Variants in DLEU7 observed in about 807,000 individuals in gnomAD.
DLEU7 encodes leukemia-associated protein 7.
DLEU7 carries 17 observed loss-of-function variants against 16.0 expected under a neutral mutation model. That is an observed-to-expected ratio of 1.06 (90% CI 0.73 to 1.59). DLEU7 has a LOEUF of 1.59. Ranked by LOEUF, DLEU7 falls within the 40% of genes most tolerant of loss-of-function variation. The pLI, the probability that DLEU7 is intolerant of heterozygous loss-of-function variation, is 0.00. For synonymous variants in DLEU7, 113 were observed against 139.8 expected, an observed-to-expected ratio of 0.81 and a Z score of 1.35; for missense variants, 308 against 314.9, an observed-to-expected ratio of 0.98 and a Z score of 0.17.
intron 1 of DLEU7, among the ~76,000 whole-genome samples, chr13:50,786,966 A>G (rs1379073742): frequency 6.6e-6 from 1 of 152,218 alleles, no homozygotes; most frequent in African/African-American, 2.4e-5. Flanking sequence ...GACTTCCTTA[A>G]GCCTTGGAAC....
chr13:50,720,739 A>C (rs1873579389), intron 1 of DLEU7, among the ~76,000 whole-genome samples: 1 of 152,164 alleles, frequency 6.6e-6, no homozygotes, highest in South Asian at 2.1e-4. Flanking sequence ...TGACATGATA[A>C]ACTTTTTAAG....
At chr13:50,725,781 A>G (rs1043370351) in intron 1 of DLEU7, among the ~76,000 whole-genome samples, 5 of 151,726 alleles carry the variant, frequency 3.3e-5, no homozygotes, top group African/African-American at 1.2e-4. Flanking sequence ...AAGTTTTTCT[A>G]TTTTATTTTA....
chr13:50,746,229 A>C (rs1254007792), intron 1 of DLEU7, among the ~76,000 whole-genome samples: 4 of 152,208 alleles, frequency 2.6e-5, no homozygotes, highest in African/African-American at 9.7e-5. Context: ...AATAGCAATT[A>C]ATGTTGGCTA....
chr13:50,739,552 T>C (rs1417894235), intron 1 of DLEU7, among the ~76,000 whole-genome samples: 1 of 152,150 alleles, frequency 6.6e-6, no homozygotes, highest in African/African-American at 2.4e-5. Context: ...ACATGGGTGT[T>C]AGGTACTTTC....
intron 1 of DLEU7, among the ~76,000 whole-genome samples, chr13:50,747,234 G>T (rs999372855): frequency 6.6e-6 from 1 of 152,128 alleles, no homozygotes; most frequent in Non-Finnish European, 1.5e-5. Context: ...CTATATTGGG[G>T]AAAGGAGTGG....
intron 1 of DLEU7, among the ~76,000 whole-genome samples, chr13:50,748,701 G>A (rs1160754239): frequency 2.6e-5 from 4 of 152,102 alleles, no homozygotes; most frequent in Admixed American, 6.5e-5. Flanking sequence ...AAATGAGGAA[G>A]AGAGAATGAG....
At chr13:50,789,227 C>T (rs1317516131) in intron 1 of DLEU7, among the ~76,000 whole-genome samples, 5 of 150,884 alleles carry the variant, frequency 3.3e-5, no homozygotes, top group East Asian at 2.0e-4. Context: ...GGAAAGGACG[C>T]GTGGGACACT....
chr13:50,747,332 C>CGTGTG (rs71190386), intron 1 of DLEU7, among the ~76,000 whole-genome samples: 2 of 137,706 alleles, frequency 1.5e-5, no homozygotes, highest in African/African-American at 2.7e-5. Context: ...AAGAAAAACT[C>CGTGTG]TGTGTGTGTG....
chr13:50,786,218 C>T (rs1875790852), intron 1 of DLEU7, among the ~76,000 whole-genome samples: 1 of 152,154 alleles, frequency 6.6e-6, no homozygotes, highest in African/African-American at 2.4e-5. Flanking sequence ...TTTACCCATT[C>T]TGGTTTCTCT....
chr13:50,795,999 A>G (rs973317013), intron 1 of DLEU7, among the ~76,000 whole-genome samples: 6 of 152,168 alleles, frequency 3.9e-5, no homozygotes, highest in Non-Finnish European at 5.9e-5. Context: ...AAGTTATACA[A>G]TTGTGACTCA....
chr13:50,787,594 G>A (rs1289849033), intron 1 of DLEU7, among the ~76,000 whole-genome samples: 1 of 152,014 alleles, frequency 6.6e-6, no homozygotes. Flanking sequence ...CCCCAGGTGT[G>A]GAAACAGCTT....
intron 1 of DLEU7, among the ~76,000 whole-genome samples, chr13:50,747,537 G>C (rs1036373847): frequency 6.6e-6 from 1 of 152,168 alleles, no homozygotes; most frequent in East Asian, 1.9e-4. Context: ...TTCATAGATG[G>C]AGAAGCCCAA....
At chr13:50,775,644 T>C (rs773361773) in intron 1 of DLEU7, among the ~76,000 whole-genome samples, 49 of 152,220 alleles carry the variant, frequency 3.2e-4, no homozygotes, top group Non-Finnish European at 5.7e-4. Context: ...CACTTTCTGC[T>C]TCAGCTCTGT....
chr13:50,782,605 C>G (rs545312457), intron 1 of DLEU7, among the ~76,000 whole-genome samples: 1 of 152,226 alleles, frequency 6.6e-6, no homozygotes, highest in South Asian at 2.1e-4. Flanking sequence ...CACACTTGAC[C>G]ATTAGCACAG....
chr13:50,783,653 T>C (rs1187525011), intron 1 of DLEU7, among the ~76,000 whole-genome samples: 2 of 152,134 alleles, frequency 1.3e-5, no homozygotes, highest in Non-Finnish European at 2.9e-5. Flanking sequence ...AGCTGATGGA[T>C]TGATGGCCAA....
At chr13:50,729,862 G>A (rs1371591140) in intron 1 of DLEU7, among the ~76,000 whole-genome samples, 6 of 151,958 alleles carry the variant, frequency 3.9e-5, no homozygotes, top group African/African-American at 1.5e-4. Flanking sequence ...TTCATGTCCT[G>A]TGCCCACTTT....
At chr13:50,827,441 G>T (rs1033799348) in intron 1 of DLEU7, among the ~76,000 whole-genome samples, 1 of 152,134 alleles carries the variant, frequency 6.6e-6, no homozygotes, top group Admixed American at 6.5e-5. Flanking sequence ...CACTTTGGGA[G>T]GCTAAGGCAA....
At chr13:50,774,802 C>T (rs569536458) in intron 1 of DLEU7, among the ~76,000 whole-genome samples, 4 of 152,016 alleles carry the variant, frequency 2.6e-5, no homozygotes, top group African/African-American at 9.7e-5. Flanking sequence ...CTCTGTCCTT[C>T]AGTTTAGATG....
intron 1 of DLEU7, among the ~76,000 whole-genome samples, chr13:50,739,128 C>T (rs938318113): frequency 6.6e-5 from 10 of 152,146 alleles, no homozygotes; most frequent in Admixed American, 1.3e-4. Context: ...ATTTCCTCCT[C>T]TCCTCCCACC....
Sources: gnomAD v4.1 joint callset for allele counts (sites outside exome capture counted in the v4.1 genomes callset) on GRCh38, gnomAD v4.1.1 for gene constraint, MANE v1.5 for transcripts, NCBI Gene and HGNC (gene_info 2026-07-23, HGNC 2026-07-21) for gene names.